Variants in MYH3 observed in about 807,000 individuals in gnomAD.
MYH3 encodes myosin heavy chain 3.
Under a neutral mutation model 238.0 loss-of-function variants are expected in MYH3, and 130 were observed. That is an observed-to-expected ratio of 0.55 (90% CI 0.47 to 0.63). The LOEUF (loss-of-function observed/expected upper bound fraction) is 0.63, where lower values mean the gene tolerates loss of function less well. Ranked by LOEUF, MYH3 falls within the 30% of genes least tolerant of loss-of-function variation. The pLI is 0.00. For missense variants in MYH3, 1,853 were observed against 2,374.9 expected, an observed-to-expected ratio of 0.78 and a Z score of 4.57; for synonymous variants, 880 against 924.1, an observed-to-expected ratio of 0.95 and a Z score of 0.86.
the MYH3 span, chr17:10,677,974 G>T: frequency 6.6e-6 from 1 of 152,234 alleles, no homozygotes; most frequent in Non-Finnish European, 1.5e-5. Context: ...AATTAGCCGG[G>T]TGTGGTGGCA....
intron 5 of MYH3, among the ~76,000 whole-genome samples, chr17:10,650,611 G>A (rs2074365425): frequency 1.3e-5 from 2 of 152,022 alleles, no homozygotes. Context: ...TATATTTGTA[G>A]GGTACAACAT....
chr17:10,633,498 G>A, intron 33 of MYH3, 93 bp downstream of exon 33: 5 of 1,561,552 alleles, frequency 3.2e-6, no homozygotes, highest in Non-Finnish European at 2.6e-6. Context: ...TTTGACAAAG[G>A]CAAAAATGGA....
intron 4 of MYH3, chr17:10,651,907 C>A: frequency 2.0e-6 from 1 of 504,846 alleles, no homozygotes. Context: ...TCACGCCCGG[C>A]TAATTTTTGT....
upstream of MYH3, among the ~76,000 whole-genome samples, chr17:10,660,717 A>G (rs2074474704): frequency 6.7e-6 from 1 of 149,370 alleles, no homozygotes; most frequent in Admixed American, 6.7e-5. Flanking sequence ...ATGGTGGCTC[A>G]TGCCTATAAT....
rs554355748 is a variant in MYH3, at chr17:10,647,452, G to C, written c.736-26C>G. On this transcript the variant is annotated intron_variant, in intron 8 of 40. Coordinates refer to ENST00000583535, the MANE Select transcript of MYH3 (RefSeq NM_002470.4). ...CTGTATGGGGCGGGATTCAGGGGGA[G>C]ACCAGATTCTACCATGGCCCAATAG... is the stretch of plus-strand genomic sequence containing the variant. 9.9e-6 allele frequency: 16 copies of C among 1,611,966 alleles called. No homozygotes were observed. The South Asian group carries it at 1.5e-4, about 15-fold the overall frequency.
chr17:10,637,145 C>T (rs183937385), intron 28 of MYH3, among the ~76,000 whole-genome samples: 217 of 151,660 alleles, frequency 1.4e-3, no homozygotes, highest in Middle Eastern at 6.8e-3. Context: ...CTGCAACCTC[C>T]GCCTCCTGGG....
chr17:10,660,262 T>C (rs1055494581), upstream of MYH3, among the ~76,000 whole-genome samples: 1 of 152,222 alleles, frequency 6.6e-6, no homozygotes, highest in Admixed American at 6.5e-5. Context: ...TAAGTTTTCT[T>C]CTCTACCTGC....
At chr17:10,673,834 T>A in the MYH3 span, 1 of 152,202 alleles carries the variant, frequency 6.6e-6, no homozygotes, top group Non-Finnish European at 1.5e-5. Flanking sequence ...CTGTGCTGAA[T>A]AGAAGTTCTG....
chr17:10,652,347 A>G, intron 4 of MYH3, 73 bp downstream of exon 4: 2 of 1,562,780 alleles, frequency 1.3e-6, no homozygotes, highest in East Asian at 2.2e-5. Context: ...CGGCCCACAC[A>G]CATACCTCTG....
At chr17:10,630,036 G>A in intron 38 of MYH3, 56 bp downstream of exon 38, 1 of 1,605,898 alleles carries the variant, frequency 6.2e-7, no homozygotes, top group Non-Finnish European at 8.5e-7. Context: ...CCTGTGGTTT[G>A]ATGGAGAATC....
the MYH3 span, among the ~76,000 whole-genome samples, chr17:10,666,771 A>T: frequency 2.4e-3 from 367 of 152,180 alleles, 2 homozygotes; most frequent in Non-Finnish European, 4.1e-3. Flanking sequence ...AAAACAAAAC[A>T]AAACTAAAAG....
intron 22 of MYH3, 83 bp downstream of exon 22, chr17:10,639,913 T>C (rs2074252450): frequency 6.3e-6 from 10 of 1,586,924 alleles, no homozygotes; most frequent in Non-Finnish European, 7.7e-6. Flanking sequence ...AAAGCAAAAA[T>C]CCCCACCAAT....
At chr17:10,672,650 A>G in the MYH3 span, 12 of 152,186 alleles carry the variant, frequency 7.9e-5, no homozygotes, top group Admixed American at 7.9e-4. Context: ...TGCCACTGCA[A>G]TATTATTAGG....
chr17:10,646,740 T>A (rs1045992330), intron 10 of MYH3, among the ~76,000 whole-genome samples: 35 of 151,604 alleles, frequency 2.3e-4, no homozygotes, highest in Admixed American at 1.8e-3. Context: ...GATAGCCACA[T>A]CCCATTTCTA....
Position 10,652,438 on chromosome 17 carries a change from G to T in MYH3, c.330C>A (p.Tyr110Ter). The change falls in exon 4 of 41, where the codon TAC becomes TAA. Residue 110 changes from tyrosine to a stop codon, truncating the protein, a stop_gained. Coordinates refer to ENST00000583535, the MANE Select transcript of MYH3 (RefSeq NM_002470.4). LOFTEE classifies it high-confidence loss of function. The part of the protein sequence containing the change: ...PAVLYNLKDR[Y>*]TSWMIYTYSG... ...CGCTGACATAGATCATCCAAGATGT[G>T]TAACGGTCCTTCAGGTTGTACAGCA... The T allele has an allele frequency of 6.2e-7, 1 of 1,614,024 alleles. No individual in the cohort carries two copies.
rs373367177 is a variant in MYH3, at chr17:10,644,453, C to G, written c.1308G>C (p.Leu436Phe). ...TAATGCGAGTGACCATCCACAAGAA[C>G]AACTTTTCATAAACTGATTTTGAAA... is the stretch of plus-strand genomic sequence containing the variant. Reference protein sequence around the residue: ...NALSKSVYEKLFLWMVTRINQ... With the variant: ...NALSKSVYEKFFLWMVTRINQ... The change falls in exon 14 of 41, where the codon TTG (leucine) becomes TTC (phenylalanine). Residue 436 changes from leucine (L) to phenylalanine (F), a missense_variant. Physicochemically the swap from Leu to Phe is conservative, Grantham distance 22 (BLOSUM62 0). This residue lies in a region of MYH3 where 678 missense variants were observed against 1,058.9 expected (regional missense o/e 0.64). Coordinates refer to ENST00000583535, the MANE Select transcript of MYH3 (RefSeq NM_002470.4). The G allele has an allele frequency of 4.3e-6, 7 of 1,614,034 alleles. No homozygotes were observed. The African/African-American group carries it at 9.3e-5, about 22-fold the overall frequency.
At chr17:10,661,355 T>G (rs940240062), upstream of MYH3, among the ~76,000 whole-genome samples, 1 of 146,582 alleles carries the variant, frequency 6.8e-6, no homozygotes. Flanking sequence ...GAAGAGAGTC[T>G]CTTGCTGCTT....
chr17:10,639,881 C>A (rs2074252232), intron 22 of MYH3, 79 bp from the exon 23 acceptor site: 2 of 1,593,274 alleles, frequency 1.3e-6, no homozygotes, highest in Non-Finnish European at 1.7e-6. Flanking sequence ...ATATGAAGTT[C>A]TTTATGAAGC....
chr17:10,640,636 C>T lies in MYH3; in HGVS notation c.2216G>A (p.Ser739Asn), dbSNP rs1344155047. 3 of 1,614,192 alleles carry T rather than the reference C, an allele frequency of 1.9e-6. No homozygotes were observed. The highest frequency in any genetic ancestry group is 2.5e-6 in the Non-Finnish European group (3 of 1,180,002). Residue 739 changes from serine to asparagine, a missense_variant, in exon 20 of 41, where the codon AGC (serine) becomes AAC (asparagine). Transcript: ENST00000583535. The part of the protein sequence containing the change: ...SAIPEGQFID[S>N]KKACEKLLAS... ...CAGAAGCTTTTCACAGGCTTTCTTGCTGTCAATGAATTGTCCCTCAGGGAT... is the reference window on the plus strand; with the variant it reads ...CAGAAGCTTTTCACAGGCTTTCTTGTTGTCAATGAATTGTCCCTCAGGGAT...
Sources: allele counts gnomAD v4.1 joint callset (sites outside exome capture counted in the v4.1 genomes callset), GRCh38; gene constraint gnomAD v4.1.1; regional missense constraint gnomAD v4.1.1; transcripts MANE v1.5; gene names NCBI Gene and HGNC (gene_info 2026-07-23, HGNC 2026-07-21).